PAN3: variants seen among roughly 807,000 people sequenced by gnomAD.
PAN3 encodes the protein poly(A) specific ribonuclease subunit PAN3.
PAN3 carries 19 observed loss-of-function variants against 96.2 expected under a neutral mutation model. The ratio of observed to expected loss-of-function variants is 0.20; its 90% confidence interval spans 0.14 to 0.29. The LOEUF is 0.29. Among genes scored for constraint, PAN3 ranks in the 10% least tolerant of loss-of-function variants. The probability of loss-of-function intolerance (pLI) is 1.00; values close to 1 mark genes in which losing one functional copy is unlikely to be tolerated. For missense variants in PAN3, 882 were observed against 1,108.1 expected (o/e 0.80, Z 2.90); for synonymous variants, 433 against 406.6 (o/e 1.06, Z -0.78).
chr13:28,288,868 C>T (rs1358692341), intron 18 of PAN3, among the ~76,000 whole-genome samples: 3 of 113,292 alleles, frequency 2.6e-5, no homozygotes, highest in Non-Finnish European at 1.7e-5. Context: ...TCTCTGTCAC[C>T]CAGGCTGGAG....
chr13:28,193,967 G>A (rs1877640779), intron 4 of PAN3, among the ~76,000 whole-genome samples: 1 of 151,912 alleles, frequency 6.6e-6, no homozygotes, highest in South Asian at 2.1e-4. Flanking sequence ...GACCAGCCTG[G>A]CCAAAATGAT....
intron 7 of PAN3, among the ~76,000 whole-genome samples, chr13:28,257,726 T>TA (rs1566235014): frequency 1.2e-4 from 17 of 137,244 alleles, no homozygotes; most frequent in South Asian, 4.6e-4. Context: ...AATTAATATA[T>TA]ATTATATATA....
At position 28,280,412 on chromosome 13, in the gene PAN3, G is replaced by C; in HGVS notation, c.2190G>C (p.Leu730Phe). The C allele has an allele frequency of 6.2e-7, 1 of 1,605,144 alleles. No homozygotes were observed. The highest frequency in any genetic ancestry group is 8.5e-7 in the Non-Finnish European group (1 of 1,176,290). Residue 730 changes from leucine to phenylalanine, a missense_variant and splice_region_variant, in exon 16 of 19, where the codon TTG becomes TTC. Coordinates refer to ENST00000380958, the MANE Select transcript of PAN3 (RefSeq NM_175854.8). The part of the protein sequence containing the change: ...NYSSDLKNLI[L>F]YLLTDQNRMR... ...GTAATTCCTCTTTTATCTTGGGTAGGTATTTGTTGACTGACCAAAACAGGA... is the reference window on the plus strand; with the variant it reads ...GTAATTCCTCTTTTATCTTGGGTAGCTATTTGTTGACTGACCAAAACAGGA...
chr13:28,156,602 A>G (rs555337617), intron 1 of PAN3, among the ~76,000 whole-genome samples: 3 of 152,324 alleles, frequency 2.0e-5, no homozygotes, highest in African/African-American at 7.2e-5. Flanking sequence ...CAGAGACTCA[A>G]CAAAAAACGA....
chr13:28,159,070 A>G (rs1209395968), intron 1 of PAN3, among the ~76,000 whole-genome samples: 1 of 152,338 alleles, frequency 6.6e-6, no homozygotes, highest in South Asian at 2.1e-4. Flanking sequence ...CAAAGAACTT[A>G]GAATTACCAT....
chr13:28,157,110 C>T (rs1872288960), intron 1 of PAN3, among the ~76,000 whole-genome samples: 4 of 147,378 alleles, frequency 2.7e-5, no homozygotes, highest in African/African-American at 7.5e-5. Context: ...GTCACATAAA[C>T]AGAGCTAAAA....
chr13:28,157,313 T>C (rs1872319147), intron 1 of PAN3, among the ~76,000 whole-genome samples: 1 of 152,132 alleles, frequency 6.6e-6, no homozygotes, highest in Non-Finnish European at 1.5e-5. Context: ...AAGACAAGGA[T>C]GCCTACTCTC....
chr13:28,273,266 A>G (rs931204502), intron 14 of PAN3, among the ~76,000 whole-genome samples: 5 of 152,172 alleles, frequency 3.3e-5, no homozygotes, highest in Admixed American at 2.6e-4. Flanking sequence ...GATTTAAATG[A>G]TAAAGTATCG....
At chr13:28,247,362 T>C (rs1884297673) in intron 6 of PAN3, among the ~76,000 whole-genome samples, 2 of 152,116 alleles carry the variant, frequency 1.3e-5, no homozygotes, top group Non-Finnish European at 2.9e-5. Context: ...ATAGTGTGCA[T>C]ATATATTCTC....
chr13:28,146,777 A>G (rs903642091), intron 1 of PAN3, among the ~76,000 whole-genome samples: 1 of 152,168 alleles, frequency 6.6e-6, no homozygotes, highest in Admixed American at 6.5e-5. Context: ...AGAGATACAG[A>G]CCATCCTGGC....
chr13:28,186,120 C>G (rs1876433096), intron 4 of PAN3, among the ~76,000 whole-genome samples: 2 of 152,114 alleles, frequency 1.3e-5, no homozygotes, highest in Admixed American at 6.5e-5. Context: ...CTTTTAAATT[C>G]TAGTTATTTG....
rs549744590 is a variant in PAN3 at position 28,289,050 on chromosome 13, T to A, written c.2523+928T>A. Among the ~76,000 whole-genome samples the A allele has an allele frequency of 3.1e-3, 470 of 151,902 alleles. 3 individuals carry two copies. Among genetic ancestry groups the A allele is most frequent in the African/African-American group, 0.011 (453 of 41,452 alleles). ...ACCATGTTAGCCAGGATGGTCTCGATCTCCTGACCTCGTGATCCACCCGCC... is the reference window on the plus strand; with the variant it reads ...ACCATGTTAGCCAGGATGGTCTCGAACTCCTGACCTCGTGATCCACCCGCC... On this transcript the variant is annotated intron_variant, in intron 18 of 18. Transcript: ENST00000380958.
intron 5 of PAN3, among the ~76,000 whole-genome samples, chr13:28,219,969 G>A (rs986440814): frequency 1.3e-5 from 2 of 152,158 alleles, no homozygotes; most frequent in Non-Finnish European, 2.9e-5. Context: ...AATGATGCAT[G>A]CTTGATAATA....
chr13:28,226,855 A>T (rs1255023451), intron 6 of PAN3, among the ~76,000 whole-genome samples: 1 of 152,230 alleles, frequency 6.6e-6, no homozygotes, highest in Non-Finnish European at 1.5e-5. Context: ...CTTTGTAACT[A>T]CTTTGTTTTT....
At chr13:28,139,217 G>C (rs938658371) in intron 1 of PAN3, 130 bp downstream of exon 1, 3 of 1,059,416 alleles carry the variant, frequency 2.8e-6, no homozygotes. Context: ...CGGTCTGAGA[G>C]GCCTAGGCCG....
intron 4 of PAN3, among the ~76,000 whole-genome samples, chr13:28,180,398 A>G (rs1008173125): frequency 1.3e-5 from 2 of 152,218 alleles, no homozygotes; most frequent in African/African-American, 2.4e-5. Context: ...CAGGTTGCAT[A>G]TATTTTAAAA....
At chr13:28,165,874 G>A (rs182268712) in intron 1 of PAN3, among the ~76,000 whole-genome samples, 100 of 152,050 alleles carry the variant, frequency 6.6e-4, no homozygotes, top group Non-Finnish European at 1.3e-3. Context: ...CTTCATAAGG[G>A]TGCTAATTCC....
At chr13:28,198,564 T>C (rs1219326454) in intron 5 of PAN3, among the ~76,000 whole-genome samples, 3 of 152,222 alleles carry the variant, frequency 2.0e-5, no homozygotes, top group Admixed American at 2.0e-4. Context: ...CTATATAATA[T>C]TTTGAAGTAC....
intron 6 of PAN3, among the ~76,000 whole-genome samples, chr13:28,246,190 A>G (rs1189351491): frequency 6.6e-6 from 1 of 152,172 alleles, no homozygotes; most frequent in Non-Finnish European, 1.5e-5. Flanking sequence ...GGCCATTTGT[A>G]TGTGTTCTTT....
Sources: gnomAD v4.1 joint callset for allele counts (sites outside exome capture counted in the v4.1 genomes callset) on GRCh38, gnomAD v4.1.1 for gene constraint, MANE v1.5 for transcripts, NCBI Gene and HGNC (gene_info 2026-07-23, HGNC 2026-07-21) for gene names.